The following CSMD1 variants were observed in gnomAD, a reference collection of about 807,000 sequenced individuals.
The protein encoded by CSMD1 is CUB and Sushi multiple domains 1.
In CSMD1, 213 loss-of-function variants were observed where a neutral mutation model predicts 417.5. The ratio of observed to expected loss-of-function variants is 0.51; its 90% confidence interval spans 0.46 to 0.57. CSMD1 has a LOEUF of 0.57. Ranked by LOEUF, CSMD1 falls within the 20% of genes least tolerant of loss-of-function variation. CSMD1 has a pLI of 0.00. For synonymous variants in CSMD1, 2,862 were observed against 1,736.8 expected (o/e 1.65, Z -16.11); for missense variants, 6,923 against 4,529.7 (o/e 1.53, Z -15.17).
At chr8:3,306,355 G>C (rs962537626) in intron 25 of CSMD1, among the ~76,000 whole-genome samples, 1 of 152,166 alleles carries the variant, frequency 6.6e-6, no homozygotes, top group Non-Finnish European at 1.5e-5. Flanking sequence ...TGTATTTTTA[G>C]TGGTGATGGA....
At chr8:4,493,960 G>C (rs535356978) in intron 2 of CSMD1, among the ~76,000 whole-genome samples, 1 of 152,238 alleles carries the variant, frequency 6.6e-6, no homozygotes, top group East Asian at 1.9e-4. Context: ...GGTCAACTTG[G>C]TTCTACTGAT....
At chr8:3,225,391 C>CCT (rs1554473726) in intron 27 of CSMD1, among the ~76,000 whole-genome samples, 10 of 145,670 alleles carry the variant, frequency 6.9e-5, no homozygotes, top group Admixed American at 4.8e-4. Flanking sequence ...CCCAGTATGA[C>CCT]TTTTTTTTTT....
chr8:3,505,955 A>T (rs984331776), intron 10 of CSMD1, among the ~76,000 whole-genome samples: 1 of 152,218 alleles, frequency 6.6e-6, no homozygotes, highest in East Asian at 1.9e-4. Flanking sequence ...AAGTTATGTA[A>T]ACCAGAAAGG....
rs1585115732 is a variant in CSMD1, at chr8:2,996,865, C to G, written c.8377+1146G>C. Among the ~76,000 whole-genome samples, 4 of 152,192 alleles carry G rather than the reference C, an allele frequency of 2.6e-5. No individual in the cohort carries two copies. The East Asian group carries it at 5.8e-4, about 22-fold the overall frequency. ...TGAAAGAAGAAGAAAAGTTGTAGTT[C>G]AGGTGAAATCAGTAACCATGTTCCT... On this transcript the variant is annotated intron_variant, in intron 54 of 69. Coordinates refer to ENST00000635120, the MANE Select transcript of CSMD1 (RefSeq NM_033225.6).
chr8:3,237,408 G>A (rs1286361106), intron 26 of CSMD1, among the ~76,000 whole-genome samples: 1 of 151,490 alleles, frequency 6.6e-6, no homozygotes, highest in Non-Finnish European at 1.5e-5. Flanking sequence ...AGTGAGCTGA[G>A]ATGGCACCAT....
intron 1 of CSMD1, among the ~76,000 whole-genome samples, chr8:4,688,329 A>G (rs1806521790): frequency 6.6e-6 from 1 of 152,218 alleles, no homozygotes; most frequent in South Asian, 2.1e-4. Context: ...ATGCAGGTCA[A>G]GTCACCAGAA....
chr8:4,554,438 GAC>G (rs1798003318), intron 2 of CSMD1, among the ~76,000 whole-genome samples: 2 of 152,126 alleles, frequency 1.3e-5, no homozygotes, highest in African/African-American at 4.8e-5. Flanking sequence ...ACCGCGCCCA[GAC>G]ACAGTCACTT....
intron 1 of CSMD1, among the ~76,000 whole-genome samples, chr8:4,789,075 A>T (rs1797558641): frequency 6.6e-6 from 1 of 152,202 alleles, no homozygotes; most frequent in African/African-American, 2.4e-5. Flanking sequence ...GGGACCTCAG[A>T]ATCACCATCC....
At chr8:3,263,047 CAT>C (rs1203657775) in intron 26 of CSMD1, among the ~76,000 whole-genome samples, 1 of 152,262 alleles carries the variant, frequency 6.6e-6, no homozygotes, top group East Asian at 1.9e-4. Context: ...TTTTTGAATT[CAT>C]ATGTCACCTA....
chr8:4,149,406 T>C (rs116819094), intron 3 of CSMD1, among the ~76,000 whole-genome samples: 29 of 152,336 alleles, frequency 1.9e-4, no homozygotes, highest in African/African-American at 6.5e-4. Context: ...GTAACTGCCA[T>C]AGCTCTGAGC....
intron 3 of CSMD1, among the ~76,000 whole-genome samples, chr8:4,164,482 T>C (rs937755990): frequency 6.6e-6 from 1 of 152,056 alleles, no homozygotes; most frequent in African/African-American, 2.4e-5. Flanking sequence ...CCTAAACTAA[T>C]CAAACGCAAT....
chr8:2,983,826 CATGGAAATAAA>C (rs966693036), intron 54 of CSMD1, among the ~76,000 whole-genome samples: 22 of 151,988 alleles, frequency 1.4e-4, no homozygotes, highest in Non-Finnish European at 2.6e-4. Flanking sequence ...AAAGGCAAAC[CATGGAAATAAA>C]GCTTAGTTTT....
intron 1 of CSMD1, among the ~76,000 whole-genome samples, chr8:4,775,389 G>T (rs1053019076): frequency 6.6e-6 from 1 of 152,126 alleles, no homozygotes; most frequent in South Asian, 2.1e-4. Context: ...ATAGTGTTTA[G>T]AGTTTATAAA....
intron 10 of CSMD1, among the ~76,000 whole-genome samples, chr8:3,546,509 C>A (rs1332738965): frequency 2.0e-5 from 3 of 151,172 alleles, no homozygotes; most frequent in African/African-American, 7.3e-5. Context: ...GCACTCCAGC[C>A]TGGTGACAGA....
At chr8:3,732,583 C>A (rs558123565) in intron 6 of CSMD1, among the ~76,000 whole-genome samples, 2 of 152,196 alleles carry the variant, frequency 1.3e-5, no homozygotes, top group Admixed American at 6.5e-5. Context: ...GCCCAGGCAA[C>A]GCACCATGAA....
chr8:3,072,154 A>G (rs1463311037), intron 49 of CSMD1, among the ~76,000 whole-genome samples: 1 of 152,252 alleles, frequency 6.6e-6, no homozygotes, highest in East Asian at 1.9e-4. Context: ...GGCATCTGAG[A>G]TCAATTCTTC....
Position 3,091,644 on chromosome 8 carries a change from G to C in CSMD1, c.7157C>G (p.Pro2386Arg). ...ATTCCCACTTAAGACTACTAGCAGA[G>C]GACTTTGCCCAGAAGAACCTAAGTG... ...EVFDGSSGQSPLLVVLSGNHT... is the reference protein window; with the variant it reads ...EVFDGSSGQSRLLVVLSGNHT... Residue 2386 changes from proline to arginine, a missense_variant, in exon 48 of 70, where the codon CCT becomes CGT. Physicochemically the swap from Pro to Arg is moderately radical, Grantham distance 103. Transcript: ENST00000635120. 2 of 1,609,688 alleles carry C rather than the reference G, an allele frequency of 1.2e-6. No individual in the cohort carries two copies. The highest frequency in any genetic ancestry group is 1.1e-5 in the South Asian group (1 of 90,068).
At chr8:3,345,007 C>A (rs902848674) in intron 22 of CSMD1, among the ~76,000 whole-genome samples, 1 of 152,094 alleles carries the variant, frequency 6.6e-6, no homozygotes, top group Non-Finnish European at 1.5e-5. Flanking sequence ...GGTTTTAATT[C>A]CAGAGGAATC....
intron 10 of CSMD1, among the ~76,000 whole-genome samples, chr8:3,533,120 T>C (rs574790366): frequency 1.3e-5 from 2 of 152,298 alleles, no homozygotes; most frequent in East Asian, 1.9e-4. Context: ...AGGAAAAGCA[T>C]GAAAGGACTT....
Sources: gnomAD v4.1 joint callset for allele counts (sites outside exome capture counted in the v4.1 genomes callset) on GRCh38, gnomAD v4.1.1 for gene constraint, MANE v1.5 for transcripts, NCBI Gene and HGNC (gene_info 2026-07-23, HGNC 2026-07-21) for gene names.